The following LRIG2 variants were observed in gnomAD, a reference collection of about 807,000 sequenced individuals.
LRIG2 encodes the protein leucine-rich repeats and immunoglobulin-like domains protein 2.
A neutral mutation model predicts 107.8 loss-of-function variants in LRIG2; 93 were observed. The observed-to-expected ratio is 0.86, with a 90% CI of 0.73 to 1.03. LRIG2 has a LOEUF of 1.03. LRIG2 is among the 50% of genes least tolerant of loss of function. The pLI is 0.00. For missense variants in LRIG2, 1,226 were observed against 1,296.0 expected (o/e 0.95, Z 0.83); for synonymous variants, 471 against 470.6 (o/e 1.00, Z -0.01).
At chr1:113,101,348 G>A (rs918244770) in intron 11 of LRIG2, among the ~76,000 whole-genome samples, 3 of 152,156 alleles carry the variant, frequency 2.0e-5, no homozygotes, top group Non-Finnish European at 2.9e-5. Flanking sequence ...GATTACAGGC[G>A]TGAGCCACCG....
chr1:113,104,828 T>G (rs1654464264), intron 11 of LRIG2, among the ~76,000 whole-genome samples: 1 of 152,164 alleles, frequency 6.6e-6, no homozygotes, highest in African/African-American at 2.4e-5. Flanking sequence ...AAATCTCAGT[T>G]TCCATTTCTA....
rs1286092390 is a variant in LRIG2 at position 113,128,316 on chromosome 1, CCTTT to C, written c.*4219_*4222del. The C allele has an allele frequency of 2.6e-5, 4 of 152,172 alleles. No homozygotes were observed. The highest frequency in any genetic ancestry group is 9.6e-5 in the African/African-American group (4 of 41,452). The allele number at this position is 152,172 out of a possible 1,614,324, so 9.4% of individuals were successfully genotyped here. ...CCTTCAATCTGCGATCCCTCTTCTT[CCTTT>C]CTTACTAGATTATGGTGTAGTTTGT... On this transcript the variant is annotated 3_prime_UTR_variant, in exon 18 of 18. Coordinates refer to ENST00000361127, the MANE Select transcript of LRIG2 (RefSeq NM_014813.3).
intron 14 of LRIG2, among the ~76,000 whole-genome samples, chr1:113,113,390 T>A (rs1654855680): frequency 6.6e-6 from 1 of 151,616 alleles, no homozygotes; most frequent in South Asian, 2.1e-4. Context: ...ATTACAATAC[T>A]TTTCTTCGTG....
chr1:113,083,570 TC>T (rs1284603907), intron 1 of LRIG2, among the ~76,000 whole-genome samples: 1 of 151,792 alleles, frequency 6.6e-6, no homozygotes, highest in Non-Finnish European at 1.5e-5. Flanking sequence ...GGTCTCGAAC[TC>T]CAGACCTCAG....
intron 1 of LRIG2, among the ~76,000 whole-genome samples, chr1:113,084,213 C>CTTTTTT (rs66711679): frequency 8.3e-6 from 1 of 120,910 alleles, no homozygotes; most frequent in African/African-American, 3.1e-5. Flanking sequence ...TTACTTAATT[C>CTTTTTT]TTTTTTTTTT....
chr1:113,107,804 T>C (rs763871828), intron 12 of LRIG2, 47 bp downstream of exon 12: 33 of 1,477,110 alleles, frequency 2.2e-5, no homozygotes, highest in Non-Finnish European at 3.0e-5. Flanking sequence ...ACTTATAATC[T>C]TAACAGAATT....
chr1:113,123,133 CTGTT>C (rs1199229988), intron 17 of LRIG2, among the ~76,000 whole-genome samples: 1 of 152,162 alleles, frequency 6.6e-6, no homozygotes, highest in Admixed American at 6.6e-5. Flanking sequence ...AAGGGAATGG[CTGTT>C]TATTTTTAAA....
intron 12 of LRIG2, among the ~76,000 whole-genome samples, chr1:113,108,103 T>A (rs575991295): frequency 2.6e-5 from 4 of 152,328 alleles, no homozygotes. Flanking sequence ...TGATTCTGTG[T>A]GTTTCATATT....
chr1:113,096,219 C>T lies in LRIG2; in HGVS notation c.948-3C>T. The T allele has an allele frequency of 5.6e-6, 9 of 1,610,240 alleles. No individual in the cohort carries two copies. The highest frequency in any genetic ancestry group is 7.6e-6 in the Non-Finnish European group (9 of 1,179,052). On this transcript the variant is annotated splice_polypyrimidine_tract_variant and splice_region_variant and intron_variant, in intron 7 of 17. Transcript: ENST00000361127. ...CCTTACCTTCCACATTTCTTGTTTT[C>T]AGTGATTTGTCCTATAACCAGCTGA...
intron 1 of LRIG2, among the ~76,000 whole-genome samples, chr1:113,090,795 G>A (rs1288256446): frequency 6.6e-6 from 1 of 151,276 alleles, no homozygotes; most frequent in East Asian, 2.0e-4. Flanking sequence ...CCGAGATTGC[G>A]CCACTGTACT....
Position 113,126,665 on chromosome 1 carries a change from A to C in LRIG2, c.*2564A>C, listed in dbSNP as rs1655497018. ...TTTGCTTACTTCCTGTCATATTTTC[A>C]GTTTGCCCAAAAGAGGTAAGCCACT... On this transcript the variant is annotated 3_prime_UTR_variant, in exon 18 of 18. Coordinates refer to ENST00000361127, the MANE Select transcript of LRIG2 (RefSeq NM_014813.3). The C allele has an allele frequency of 6.6e-6, 1 of 152,648 alleles. No homozygotes were observed. Among genetic ancestry groups the C allele is most frequent in the Admixed American group, 6.5e-5 (1 of 15,274 alleles). 9.5% of individuals were successfully genotyped at this position (152,648 alleles called of 1,614,324 possible).
Position 113,094,510 on chromosome 1 carries a change from G to T in LRIG2, c.659+28G>T, listed in dbSNP as rs767555450. 23 of 1,583,958 alleles carry T rather than the reference G, an allele frequency of 1.5e-5. 1 individual carries two copies. The South Asian group carries it at 2.6e-4, about 18-fold the overall frequency. Reference sequence around the variant, plus strand: ...GAGTAACGAAATAGACGGATTATAAGAAGATAGTTTTTTCTTACAGGGTCT... The same window carrying T: ...GAGTAACGAAATAGACGGATTATAATAAGATAGTTTTTTCTTACAGGGTCT... On this transcript the variant is annotated intron_variant, in intron 5 of 17. Coordinates refer to ENST00000361127, the MANE Select transcript of LRIG2 (RefSeq NM_014813.3).
intron 1 of LRIG2, among the ~76,000 whole-genome samples, chr1:113,089,880 G>A (rs1008726000): frequency 1.3e-5 from 2 of 151,554 alleles, no homozygotes; most frequent in Non-Finnish European, 2.9e-5. Flanking sequence ...ATTTTTAGTA[G>A]AGATGGATTT....
intron 8 of LRIG2, among the ~76,000 whole-genome samples, chr1:113,098,220 G>C (rs944988491): frequency 2.6e-5 from 4 of 152,022 alleles, no homozygotes; most frequent in African/African-American, 4.8e-5. Context: ...ATCTTTAATT[G>C]CTCTTGAGCA....
At position 113,115,529 on chromosome 1, in the gene LRIG2, ATTTTT is replaced by A. The variant is rs56081345; in HGVS notation, c.2530+666_2530+670del. 1.7e-4 allele frequency among the ~76,000 whole-genome samples: 24 copies of A among 141,576 alleles called. No homozygotes were observed. The East Asian group carries it at 2.3e-3, about 14-fold the overall frequency. The allele number at this position is 141,576 out of a possible 152,430, so 92.9% of individuals were successfully genotyped here. On this transcript the variant is annotated intron_variant, in intron 15 of 17. Transcript: ENST00000361127. ...TCTGACCAATTTTAAGAATTTGTAA[ATTTTT>A]TTTTTTTTTTTTGAGATAGAGTCTC...
chr1:113,106,487 C>T (rs1390373345), intron 11 of LRIG2, among the ~76,000 whole-genome samples: 3 of 151,950 alleles, frequency 2.0e-5, no homozygotes, highest in South Asian at 2.1e-4. Context: ...ACACATTGCA[C>T]GGTGTTGAAG....
rs116255901 is a variant in LRIG2, at chr1:113,086,694, C to T, written c.240-4624C>T. Among the ~76,000 whole-genome samples the T allele has an allele frequency of 2.2e-3, 340 of 152,230 alleles. 1 individual carries two copies. Among genetic ancestry groups the T allele is most frequent in the African/African-American group, 7.5e-3 (311 of 41,544 alleles). On this transcript the variant is annotated intron_variant, in intron 1 of 17. Coordinates refer to ENST00000361127, the MANE Select transcript of LRIG2 (RefSeq NM_014813.3). The stretch of plus-strand genomic sequence containing the variant: ...ATAATTTACCCCTGATGGTACTAAA[C>T]GACTACATTAATGGCACCTCTGGCT...
At chr1:113,089,555 A>G (rs989482720) in intron 1 of LRIG2, among the ~76,000 whole-genome samples, 1 of 152,010 alleles carries the variant, frequency 6.6e-6, no homozygotes, top group Non-Finnish European at 1.5e-5. Flanking sequence ...TTAGCCAGTT[A>G]ATATGTGTCA....
intron 11 of LRIG2, among the ~76,000 whole-genome samples, chr1:113,105,646 C>T (rs1654508624): frequency 6.6e-6 from 1 of 152,150 alleles, no homozygotes; most frequent in African/African-American, 2.4e-5. Flanking sequence ...GGTGTGGTGG[C>T]TCATGCCTGT....
Sources: allele counts gnomAD v4.1 joint callset (sites outside exome capture counted in the v4.1 genomes callset), GRCh38; gene constraint gnomAD v4.1.1; transcripts MANE v1.5; gene names NCBI Gene and HGNC (gene_info 2026-07-23, HGNC 2026-07-21).